The following CD207 variants were observed in gnomAD, a reference collection of about 807,000 sequenced individuals.
CD207 encodes the protein C-type lectin domain family 4 member K.
In CD207, 28 loss-of-function variants were observed where a neutral mutation model predicts 31.6. The ratio of observed to expected loss-of-function variants is 0.89; its 90% CI spans 0.66 to 1.21. The LOEUF is 1.21. CD207 is among the 50% of genes most tolerant of loss of function. CD207 has a pLI of 0.00. For missense variants in CD207, 388 were observed against 397.8 expected, an observed-to-expected ratio of 0.98 and a Z score of 0.21; for synonymous variants, 168 against 153.9, an observed-to-expected ratio of 1.09 and a Z score of -0.68.
downstream of CD207, among the ~76,000 whole-genome samples, chr2:70,826,455 C>T (rs1253797017): frequency 6.6e-6 from 1 of 152,178 alleles, no homozygotes; most frequent in Non-Finnish European, 1.5e-5. Flanking sequence ...CAGCTCACTG[C>T]AGCCTCAATC....
the CD207 span, among the ~76,000 whole-genome samples, chr2:70,824,740 C>A: frequency 4.2e-5 from 6 of 142,158 alleles, no homozygotes; most frequent in South Asian, 1.4e-3. Flanking sequence ...AACAAAAAAA[C>A]AAATAAAATA....
chr2:70,832,434 G>A lies in CD207; in HGVS notation c.717+466C>T, dbSNP rs1036045623. 7.2e-5 allele frequency among the ~76,000 whole-genome samples: 11 copies of A among 152,304 alleles called. No individual in the cohort carries two copies. The East Asian group carries it at 2.1e-3, about 29-fold the overall frequency. ...AGGCAGGAGACTTCTTGAGTCATGT[G>A]GAATCATTAAGGCTGTTCACAAATA... On this transcript the variant is annotated intron_variant, in intron 4 of 5. Transcript: ENST00000410009.
intron 5 of CD207, 140 bp from the exon 6 acceptor site, chr2:70,831,340 G>A (rs955805691): frequency 6.0e-6 from 5 of 839,380 alleles, no homozygotes; most frequent in Non-Finnish European, 7.3e-6. Flanking sequence ...AAGCCTCAGA[G>A]GAAGGGGACT....
the CD207 span, among the ~76,000 whole-genome samples, chr2:70,825,181 A>G: frequency 6.6e-6 from 1 of 152,330 alleles, no homozygotes; most frequent in East Asian, 1.9e-4. Context: ...ATTCCATTTA[A>G]GGGACAATCT....
intron 4 of CD207, 43 bp from the exon 5 acceptor site, chr2:70,831,862 A>T (rs782670571): frequency 7.9e-6 from 10 of 1,262,524 alleles, no homozygotes; most frequent in African/African-American, 1.5e-5. Flanking sequence ...CCACACTTGG[A>T]GCTTGATCAT....
chr2:70,827,581 GA>G (rs1191581282), downstream of CD207, among the ~76,000 whole-genome samples: 2 of 152,210 alleles, frequency 1.3e-5, no homozygotes, highest in African/African-American at 4.8e-5. Context: ...AATAATCCCA[GA>G]AGCCAGGGTG....
intron 3 of CD207, 111 bp from the exon 4 acceptor site, chr2:70,833,162 G>T: frequency 4.0e-6 from 4 of 991,562 alleles, no homozygotes; most frequent in Non-Finnish European, 6.2e-6. Flanking sequence ...GGAGCTGTGC[G>T]CTGGTGTCCT....
At position 70,831,817 on chromosome 2, in the gene CD207, C is replaced by G. The variant is rs781907911; in HGVS notation, c.720G>C (p.Glu240Asp). 1 of 1,588,816 alleles carries G rather than the reference C, an allele frequency of 6.3e-7. No homozygotes were observed. Among genetic ancestry groups the G allele is most frequent in the Non-Finnish European group, 8.6e-7 (1 of 1,157,238 alleles). Reference protein sequence around the residue: ...LTSVTSESEQEFLYKTAGGLI... With the variant: ...LTSVTSESEQDFLYKTAGGLI... ...GTCCCCCCGCTGTTTTATACAGAAA[C>G]TCCTGTAGGAAAGACAGGATAAGCA... Residue 240 changes from glutamate (E) to aspartate (D), a missense_variant and splice_region_variant, in exon 5 of 6, where the codon GAG becomes GAC. Coordinates refer to ENST00000410009, the MANE Select transcript of CD207 (RefSeq NM_015717.5).
At chr2:70,829,113 T>C (rs1445999947), downstream of CD207, among the ~76,000 whole-genome samples, 3 of 152,240 alleles carry the variant, frequency 2.0e-5, no homozygotes, top group Non-Finnish European at 4.4e-5. Context: ...TGCTATTTCC[T>C]GGTTCAAATT....
At position 70,830,870 on chromosome 2, in the gene CD207, CTCCAAGACG is replaced by C. The variant is rs1156624912; in HGVS notation, c.*171_*179del. On this transcript the variant is annotated 3_prime_UTR_variant, in exon 6 of 6. Coordinates refer to ENST00000410009, the MANE Select transcript of CD207 (RefSeq NM_015717.5). ...GAATTCTCCTTTCCATTCCAGCTGC[CTCCAAGACG>C]TCAGAGAATTTCCAGCCAAGACAGA... is the stretch of plus-strand genomic sequence containing the variant. 1.2e-5 allele frequency: 7 copies of C among 586,298 alleles called. No individual in the cohort carries two copies. The Admixed American group carries it at 1.8e-4, about 15-fold the overall frequency. The allele number at this position is 586,298 out of a possible 1,614,324, so 36.3% of individuals were successfully genotyped here.
At position 70,835,184 on chromosome 2, in the gene CD207, C is replaced by T. The variant is rs183103835; in HGVS notation, c.190+307G>A. On this transcript the variant is annotated intron_variant, in intron 2 of 5. Transcript: ENST00000410009. ...AGAGCTCAGATTGGTGGGGGGTGGA[C>T]GGGGAGAAAATAGCACAGGATGTAA... Among the ~76,000 whole-genome samples the T allele has an allele frequency of 6.5e-4, 99 of 152,216 alleles. 2 individuals are homozygous for T. Among genetic ancestry groups the T allele is most frequent in the Admixed American group, 7.9e-4 (12 of 15,286 alleles).
At position 70,835,759 on chromosome 2, in the gene CD207, C is replaced by T. The variant is rs782022915; in HGVS notation, c.18G>A (p.Glu6=). Residue 6 remains glutamate (E), a synonymous_variant, in exon 1 of 6, where the codon GAG becomes GAA. Transcript: ENST00000410009. The part of the protein sequence containing the change: MTVEK[E]APDAHFTVDK... ...CCACAGTGAAGTGCGCATCAGGGGCCTCCTTCTCCACAGTCATCCTGAGTG... is the reference window on the plus strand; with the variant it reads ...CCACAGTGAAGTGCGCATCAGGGGCTTCCTTCTCCACAGTCATCCTGAGTG... 2 of 1,612,514 alleles carry T rather than the reference C, an allele frequency of 1.2e-6. No homozygotes were observed. Among genetic ancestry groups the T allele is most frequent in the Admixed American group, 3.3e-5 (2 of 59,786 alleles).
intron 5 of CD207, 89 bp from the exon 6 acceptor site, chr2:70,831,289 A>G: frequency 6.0e-6 from 8 of 1,339,422 alleles, no homozygotes; most frequent in Non-Finnish European, 7.3e-6. Context: ...ACTCAACCCA[A>G]GCTTTTGTCC....
At chr2:70,834,111 T>G in intron 2 of CD207, 91 bp from the exon 3 acceptor site, 6 of 1,208,300 alleles carry the variant, frequency 5.0e-6, no homozygotes, top group African/African-American at 1.5e-5. Context: ...AGGGAAGGAA[T>G]AGGCTGAAGC....
chr2:70,831,561 C>G (rs1339595768), intron 5 of CD207, 140 bp downstream of exon 5: 1 of 673,890 alleles, frequency 1.5e-6, no homozygotes, highest in Non-Finnish European at 2.7e-6. Flanking sequence ...TGTGCTCGAT[C>G]TTGGTTGCAA....
chr2:70,835,349 C>A (rs782453178), intron 2 of CD207, 142 bp downstream of exon 2: 31 of 683,776 alleles, frequency 4.5e-5, no homozygotes, highest in Admixed American at 8.9e-5. Context: ...CCTGTTACTG[C>A]ACATGGAAAG....
chr2:70,835,227 C>T (rs79032490), intron 2 of CD207, among the ~76,000 whole-genome samples: 128 of 152,322 alleles, frequency 8.4e-4, no homozygotes, highest in African/African-American at 3.0e-3. Flanking sequence ...TCAATGTTTC[C>T]TGAGGACAAA....
chr2:70,824,621 CCAAAAAA>C, the CD207 span, among the ~76,000 whole-genome samples: 42 of 38,270 alleles, frequency 1.1e-3, 2 homozygotes, highest in Non-Finnish European at 1.4e-3. Context: ...TGCTTAGTTA[CCAAAAAA>C]AAAAAAAAAA....
the CD207 span, among the ~76,000 whole-genome samples, chr2:70,824,616 A>G: frequency 8.6e-6 from 1 of 116,906 alleles, no homozygotes; most frequent in Non-Finnish European, 1.8e-5. Context: ...GGAGATGCTT[A>G]GTTACCAAAA....
Sources: allele counts gnomAD v4.1 joint callset (sites outside exome capture counted in the v4.1 genomes callset), GRCh38; gene constraint gnomAD v4.1.1; transcripts MANE v1.5; gene names NCBI Gene and HGNC (gene_info 2026-07-23, HGNC 2026-07-21).